LOXL2: variants seen among roughly 807,000 people sequenced by gnomAD.
The protein encoded by LOXL2 is lysyl oxidase homolog 2.
LOXL2 carries 70 observed loss-of-function variants against 93.0 expected under a neutral mutation model. The observed-to-expected ratio is 0.75, with a 90% confidence interval of 0.62 to 0.92. The LOEUF (loss-of-function observed/expected upper bound fraction) is 0.92, where lower values mean the gene tolerates loss of function less well. Among genes scored for constraint, LOXL2 ranks in the 40% least tolerant of loss-of-function variants. LOXL2 has a pLI of 0.00. For missense variants in LOXL2, 973 were observed against 1,054.9 expected (o/e 0.92, Z 1.08); for synonymous variants, 438 against 413.2 (o/e 1.06, Z -0.73).
intron 3 of LOXL2, among the ~76,000 whole-genome samples, chr8:23,346,147 AAAATAAAAT>A (rs1803975845): frequency 2.5e-4 from 8 of 31,934 alleles, no homozygotes; most frequent in African/African-American, 1.7e-3. Flanking sequence ...TAAAATAAAT[AAAATAAAAT>A]AAAAAATAAA....
intron 1 of LOXL2, among the ~76,000 whole-genome samples, chr8:23,379,645 C>G (rs557796364): frequency 1.2e-3 from 77 of 63,442 alleles, no homozygotes; most frequent in African/African-American, 8.5e-3. Context: ...GCGGGCGCCC[C>G]TCCCCCAGCC....
At chr8:23,304,311 CTT>C (rs2117140787) in intron 10 of LOXL2, among the ~76,000 whole-genome samples, 1 of 152,328 alleles carries the variant, frequency 6.6e-6, no homozygotes, top group South Asian at 2.1e-4. Context: ...TAGAATAGCC[CTT>C]GTTTCAGAAT....
intron 2 of LOXL2, among the ~76,000 whole-genome samples, chr8:23,361,200 G>T (rs909287683): frequency 2.6e-5 from 4 of 152,002 alleles, no homozygotes; most frequent in African/African-American, 9.7e-5. Context: ...CGCCCGGCCT[G>T]GTTTGAGGTT....
intron 1 of LOXL2, among the ~76,000 whole-genome samples, chr8:23,376,755 T>A (rs1433060636): frequency 1.4e-4 from 22 of 152,236 alleles, no homozygotes; most frequent in East Asian, 1.4e-3. Flanking sequence ...CTCTGATGGT[T>A]GTTTGTATTT....
intron 5 of LOXL2, 75 bp downstream of exon 5, chr8:23,333,326 G>A (rs999990154): frequency 4.4e-6 from 6 of 1,362,294 alleles, no homozygotes; most frequent in Non-Finnish European, 6.3e-6. Flanking sequence ...TCTCCTGGGG[G>A]ATCCTGCCTA....
At chr8:23,329,614 C>G (rs546822944) in intron 5 of LOXL2, among the ~76,000 whole-genome samples, 2 of 152,298 alleles carry the variant, frequency 1.3e-5, no homozygotes, top group South Asian at 2.1e-4. Flanking sequence ...GGCTCAGAAG[C>G]CTATGAGGCT....
At chr8:23,399,688 C>A (rs969570686) in intron 1 of LOXL2, among the ~76,000 whole-genome samples, 1 of 152,182 alleles carries the variant, frequency 6.6e-6, no homozygotes, top group African/African-American at 2.4e-5. Flanking sequence ...GTTTAATAAA[C>A]TACCGAGTTT....
chr8:23,307,802 C>T (rs79234646), intron 10 of LOXL2, among the ~76,000 whole-genome samples: 1 of 152,102 alleles, frequency 6.6e-6, no homozygotes, highest in Admixed American at 6.5e-5. Context: ...AAAGACCACA[C>T]CTTCTTGGGC....
intron 1 of LOXL2, among the ~76,000 whole-genome samples, chr8:23,399,012 G>A (rs1288486535): frequency 6.6e-6 from 1 of 152,250 alleles, no homozygotes; most frequent in African/African-American, 2.4e-5. Flanking sequence ...GATTTCTGAT[G>A]TCTTGCTTCA....
intron 1 of LOXL2, among the ~76,000 whole-genome samples, chr8:23,369,932 G>A (rs769254976): frequency 2.0e-5 from 3 of 152,182 alleles, no homozygotes; most frequent in African/African-American, 7.2e-5. Context: ...TTGGGGAGTA[G>A]AAGAGGCAGG....
intron 1 of LOXL2, among the ~76,000 whole-genome samples, chr8:23,381,701 T>G (rs371253547): frequency 6.6e-6 from 1 of 152,224 alleles, no homozygotes; most frequent in Non-Finnish European, 1.5e-5. Context: ...ATTTTTCACA[T>G]TGGTATCCTT....
At chr8:23,333,688 A>G in intron 4 of LOXL2, 65 bp from the exon 5 acceptor site, 4 of 1,294,052 alleles carry the variant, frequency 3.1e-6, no homozygotes, top group South Asian at 1.3e-5. Flanking sequence ...TCCTTCTGCA[A>G]CGAGGCAGAA....
intron 9 of LOXL2, among the ~76,000 whole-genome samples, chr8:23,316,460 A>G (rs999598898): frequency 2.0e-5 from 3 of 152,026 alleles, no homozygotes; most frequent in Non-Finnish European, 4.4e-5. Flanking sequence ...AGGCTTCAGG[A>G]AGTGGGTCAT....
rs751728896 is a variant in LOXL2 at position 23,298,124 on chromosome 8, T to C, written c.2246-2A>G. Reference sequence around the variant, plus strand: ...CCGTCTCTTCGCTGAAGGAACCACCTGAAGAGCGAGAATCGGGTAGAGAGA... The same window carrying C: ...CCGTCTCTTCGCTGAAGGAACCACCCGAAGAGCGAGAATCGGGTAGAGAGA... On this transcript the variant is annotated splice_acceptor_variant, in intron 13 of 13. Transcript: ENST00000389131. LOFTEE classifies it high-confidence loss of function. 3.7e-6 allele frequency: 6 copies of C among 1,612,248 alleles called. No homozygotes were observed. The highest frequency in any genetic ancestry group is 5.1e-6 in the Non-Finnish European group (6 of 1,178,886).
At chr8:23,379,697 T>G (rs1474234950) in intron 1 of LOXL2, among the ~76,000 whole-genome samples, 1 of 152,160 alleles carries the variant, frequency 6.6e-6, no homozygotes, top group Non-Finnish European at 1.5e-5. Context: ...ACTGCTGTGC[T>G]AGCAATGAGT....
intron 1 of LOXL2, among the ~76,000 whole-genome samples, chr8:23,388,584 G>A (rs1327453440): frequency 2.7e-5 from 4 of 148,880 alleles, no homozygotes; most frequent in Non-Finnish European, 6.0e-5. Context: ...GCTGGGACTT[G>A]TCTCCAAGAA....
intron 3 of LOXL2, among the ~76,000 whole-genome samples, chr8:23,349,455 G>A (rs1804054323): frequency 2.6e-5 from 4 of 152,140 alleles, no homozygotes; most frequent in Admixed American, 2.6e-4. Flanking sequence ...CAAGTGCTGT[G>A]TGAGACCCTA....
Position 23,333,393 on chromosome 8 carries a change from G to C in LOXL2, c.966+8C>G. On this transcript the variant is annotated splice_region_variant and intron_variant, in intron 5 of 13. Transcript: ENST00000389131. Reference sequence around the variant, plus strand: ...GCCAAGTGGCCACACCTCGTGCCCCGTCCTCACCTCTGGCTTGTACGCTTT... The same window carrying C: ...GCCAAGTGGCCACACCTCGTGCCCCCTCCTCACCTCTGGCTTGTACGCTTT... 6.2e-7 allele frequency: 1 copy of C among 1,613,324 alleles called. No individual in the cohort carries two copies. The highest frequency in any genetic ancestry group is 8.5e-7 in the Non-Finnish European group (1 of 1,179,736).
intron 3 of LOXL2, among the ~76,000 whole-genome samples, chr8:23,359,567 T>C (rs978700931): frequency 6.6e-6 from 1 of 152,178 alleles, no homozygotes; most frequent in Non-Finnish European, 1.5e-5. Flanking sequence ...ATTGACAGCC[T>C]GAGTGCAACT....
Sources: allele counts gnomAD v4.1 joint callset (sites outside exome capture counted in the v4.1 genomes callset), GRCh38; gene constraint gnomAD v4.1.1; transcripts MANE v1.5; gene names NCBI Gene and HGNC (gene_info 2026-07-23, HGNC 2026-07-21).